PKIB: variants seen among roughly 807,000 people sequenced by gnomAD.
PKIB encodes PKI-beta.
Under a neutral mutation model 4.5 loss-of-function variants are expected in PKIB, and 2 were observed. The ratio of observed to expected loss-of-function variants is 0.44; its 90% CI spans 0.18 to 1.39. The LOEUF (loss-of-function observed/expected upper bound fraction) is 1.39, where lower values mean the gene tolerates loss of function less well. Ranked by LOEUF, PKIB falls within the 40% of genes most tolerant of loss-of-function variation. PKIB has a pLI of 0.27. For missense variants in PKIB, 94 were observed against 92.6 expected (o/e 1.02, Z -0.06); for synonymous variants, 38 against 36.0 (o/e 1.06, Z -0.20).
intron 1 of PKIB, among the ~76,000 whole-genome samples, chr6:122,615,720 G>A (rs996864944): frequency 4.6e-5 from 7 of 152,278 alleles, no homozygotes; most frequent in Admixed American, 2.0e-4. Context: ...GAGACACAAA[G>A]AGAAAGACAC....
At chr6:122,530,997 T>TA (rs1777238719) in intron 2 of PKIB, 1 of 152,214 alleles carries the variant, frequency 6.6e-6, no homozygotes, top group African/African-American at 2.4e-5. Context: ...TCACAGGATA[T>TA]TCTGTTATTG....
chr6:122,513,025 C>T (rs1240213459), intron 2 of PKIB, among the ~76,000 whole-genome samples: 3 of 152,164 alleles, frequency 2.0e-5, no homozygotes, highest in African/African-American at 4.8e-5. Flanking sequence ...TTGAATGTCT[C>T]ACAGACACTT....
chr6:122,665,207 A>G (rs1291704474), intron 2 of PKIB, among the ~76,000 whole-genome samples: 1 of 152,224 alleles, frequency 6.6e-6, no homozygotes, highest in Admixed American at 6.5e-5. Flanking sequence ...GATAAGTAGG[A>G]AAACCAGAAG....
intron 2 of PKIB, among the ~76,000 whole-genome samples, chr6:122,643,029 A>G (rs1399710630): frequency 1.3e-5 from 2 of 152,172 alleles, no homozygotes; most frequent in African/African-American, 4.8e-5. Context: ...CTGGTAGGGG[A>G]GAGAACAAGC....
Position 122,524,302 on chromosome 6 carries a change from CTTTCTT to C in PKIB, c.-248+46372_-248+46377del, listed in dbSNP as rs367767059. ...TGTTCTTCCTTCTCCTCCTCATCCT[CTTTCTT>C]TTTCTTTTCCTCTTCCTCCTCCTCC... On this transcript the variant is annotated intron_variant, in intron 2 of 6. Coordinates refer to the PKIB transcript ENST00000392491. 3.6e-3 allele frequency among the ~76,000 whole-genome samples: 531 copies of C among 149,404 alleles called. 4 individuals are homozygous for C. Among genetic ancestry groups the C allele is most frequent in the African/African-American group, 0.012 (490 of 40,556 alleles).
chr6:122,650,282 C>G (rs753142889), intron 2 of PKIB, among the ~76,000 whole-genome samples: 1 of 152,088 alleles, frequency 6.6e-6, no homozygotes, highest in Non-Finnish European at 1.5e-5. Flanking sequence ...GGAATCATCA[C>G]CCCTGCATCC....
intron 2 of PKIB, among the ~76,000 whole-genome samples, chr6:122,563,487 A>G (rs1324176165): frequency 2.0e-5 from 3 of 152,006 alleles, no homozygotes; most frequent in African/African-American, 4.8e-5. Flanking sequence ...CTGTAGGAGT[A>G]TAGAGAGGGA....
intron 2 of PKIB, among the ~76,000 whole-genome samples, chr6:122,672,784 A>G (rs1175258215): frequency 6.6e-6 from 1 of 151,748 alleles, no homozygotes. Flanking sequence ...CTTATAATTT[A>G]TAGTATAAAT....
intron 3 of PKIB, among the ~76,000 whole-genome samples, chr6:122,704,269 C>T (rs1778965227): frequency 6.6e-6 from 1 of 151,950 alleles, no homozygotes; most frequent in African/African-American, 2.4e-5. Flanking sequence ...TTATGCAGTC[C>T]ACTGATTCAG....
intron 3 of PKIB, among the ~76,000 whole-genome samples, chr6:122,678,701 A>G (rs1777781633): frequency 6.6e-6 from 1 of 152,220 alleles, no homozygotes; most frequent in Non-Finnish European, 1.5e-5. Context: ...GAGAAATGAG[A>G]TAAGTATGAA....
intron 3 of PKIB, among the ~76,000 whole-genome samples, chr6:122,709,632 A>G (rs1271093487): frequency 6.6e-6 from 1 of 152,174 alleles, no homozygotes; most frequent in African/African-American, 2.4e-5. Flanking sequence ...ATATGTGGCT[A>G]CTTAAAGTAA....
At chr6:122,542,757 C>T (rs1353919964) in intron 2 of PKIB, among the ~76,000 whole-genome samples, 2 of 152,090 alleles carry the variant, frequency 1.3e-5, no homozygotes, top group African/African-American at 4.8e-5. Context: ...CAGACAGGGA[C>T]ATTTAAGTCT....
At chr6:122,511,876 C>G (rs181761786) in intron 2 of PKIB, among the ~76,000 whole-genome samples, 23 of 152,298 alleles carry the variant, frequency 1.5e-4, no homozygotes, top group Admixed American at 8.5e-4. Context: ...TAACTAGGAG[C>G]CTGTACATCT....
At chr6:122,520,587 C>T (rs1312946166) in intron 2 of PKIB, among the ~76,000 whole-genome samples, 2 of 152,014 alleles carry the variant, frequency 1.3e-5, no homozygotes, top group African/African-American at 2.4e-5. Context: ...TGATTCTTCT[C>T]CTCTAGGGAA....
chr6:122,664,504 T>C (rs1403748547), intron 2 of PKIB, among the ~76,000 whole-genome samples: 1 of 152,168 alleles, frequency 6.6e-6, no homozygotes, highest in Non-Finnish European at 1.5e-5. Flanking sequence ...CTCAAACTCC[T>C]GGGCTCAAGC....
intron 2 of PKIB, among the ~76,000 whole-genome samples, chr6:122,558,746 T>C (rs1025233717): frequency 1.3e-5 from 2 of 152,144 alleles, no homozygotes; most frequent in South Asian, 4.1e-4. Flanking sequence ...TTTTAATCAA[T>C]TGATTAATAT....
chr6:122,516,316 G>A (rs1005056385), intron 2 of PKIB, among the ~76,000 whole-genome samples: 2 of 152,082 alleles, frequency 1.3e-5, no homozygotes, highest in African/African-American at 2.4e-5. Context: ...CTTCTTGGGG[G>A]ACTGGTTTTT....
At chr6:122,594,624 T>C (rs1263991731) in intron 3 of PKIB, among the ~76,000 whole-genome samples, 1 of 152,228 alleles carries the variant, frequency 6.6e-6, no homozygotes, top group African/African-American at 2.4e-5. Flanking sequence ...TAACTGGTAT[T>C]GATGACTACC....
intron 2 of PKIB, among the ~76,000 whole-genome samples, chr6:122,539,672 G>A (rs868302288): frequency 2.4e-4 from 36 of 152,170 alleles, no homozygotes; most frequent in South Asian, 1.2e-3. Context: ...CCAGGCTTTG[G>A]TATGAGGATG....
Sources: allele counts gnomAD v4.1 joint callset (sites outside exome capture counted in the v4.1 genomes callset), GRCh38; gene constraint gnomAD v4.1.1; transcripts MANE v1.5; gene names NCBI Gene and HGNC (gene_info 2026-07-23, HGNC 2026-07-21).